The following CCDC3 variants were observed in gnomAD, a reference collection of about 807,000 sequenced individuals.
CCDC3 encodes coiled-coil domain-containing protein 3.
In CCDC3, 24 loss-of-function variants were observed where a neutral mutation model predicts 21.4. The ratio of observed to expected loss-of-function variants is 1.12; its 90% CI spans 0.81 to 1.58. The LOEUF is 1.58. Among genes scored for constraint, CCDC3 ranks in the 40% most tolerant of loss-of-function variants. The probability of loss-of-function intolerance (pLI) is 0.00; values close to 1 mark genes in which losing one functional copy is unlikely to be tolerated. For synonymous variants in CCDC3, 186 were observed against 166.0 expected, an observed-to-expected ratio of 1.12 and a Z score of -0.93; for missense variants, 425 against 360.9, an observed-to-expected ratio of 1.18 and a Z score of -1.44.
intron 2 of CCDC3, among the ~76,000 whole-genome samples, chr10:12,936,357 G>T (rs914426851): frequency 1.3e-4 from 20 of 151,844 alleles, no homozygotes; most frequent in Non-Finnish European, 1.5e-5. Flanking sequence ...TTTCTTTCAA[G>T]AATTTTTTTT....
upstream of CCDC3, among the ~76,000 whole-genome samples, chr10:13,002,170 G>A (rs1368220412): frequency 6.6e-6 from 1 of 152,146 alleles, no homozygotes; most frequent in Admixed American, 6.5e-5. Flanking sequence ...ATTTAATGAA[G>A]ATCTTAGAAA....
At chr10:13,080,811 T>A (rs1837030003) in intron 3 of CCDC3, among the ~76,000 whole-genome samples, 1 of 152,242 alleles carries the variant, frequency 6.6e-6, no homozygotes, top group Non-Finnish European at 1.5e-5. Flanking sequence ...CAGGCAGTTG[T>A]TAGACAGCAC....
At position 13,001,250 on chromosome 10, in the gene CCDC3, G is replaced by C. The variant is rs918676799; in HGVS notation, c.321C>G (p.Phe107Leu). Residue 107 changes from phenylalanine to leucine, a missense_variant, in exon 1 of 3, where the codon TTC (phenylalanine) becomes TTG (leucine). Phe to Leu is a conservative substitution (Grantham distance 22, BLOSUM62 0). Coordinates refer to ENST00000378825, the MANE Select transcript of CCDC3 (RefSeq NM_031455.4). ...GGACCACGGTGTGGGAGTGGCACGA[G>C]AAGTAGCCCAGGCCGGTGAGGTTGA... is the stretch of plus-strand genomic sequence containing the variant. ...SRLNLTGLGY[F>L]SCHSHTVVQD... The C allele has an allele frequency of 8.8e-6, 14 of 1,590,806 alleles. No homozygotes were observed. Among genetic ancestry groups the C allele is most frequent in the Non-Finnish European group, 1.2e-5 (14 of 1,169,706 alleles).
In CCDC3 at chr10:12,972,811, TG is replaced by T. The variant is rs57121607; in HGVS notation, c.549+25526del. Among the ~76,000 whole-genome samples the T allele has an allele frequency of 2.7e-3, 391 of 143,816 alleles. 2 individuals carry two copies. The highest frequency in any genetic ancestry group is 9.6e-3 in the African/African-American group (373 of 38,672). The allele number at this position is 143,816 out of a possible 152,430, so 94.3% of individuals were successfully genotyped here. ...CAGCCTGGGTAAAAGAATGAGACTC[TG>T]TCTCAAAAATAAATAAAATAAAATA... On this transcript the variant is annotated intron_variant, in intron 2 of 2. Transcript: ENST00000378825.
intron 2 of CCDC3, among the ~76,000 whole-genome samples, chr10:12,905,172 G>GGAA (rs1834151277): frequency 6.6e-6 from 1 of 152,150 alleles, no homozygotes; most frequent in Admixed American, 6.5e-5. Context: ...AAAATGAGAA[G>GGAA]GAAGAAAAAA....
At chr10:12,901,695 G>A in intron 2 of CCDC3, among the ~76,000 whole-genome samples, 1 of 152,254 alleles carries the variant, frequency 6.6e-6, no homozygotes, top group Non-Finnish European at 1.5e-5. Context: ...CCATGCCCTC[G>A]TGCACAGTAA....
intron 2 of CCDC3, among the ~76,000 whole-genome samples, chr10:12,983,343 C>T (rs11258103): frequency 0.087 from 13,051 of 149,890 alleles, 657 homozygotes; most frequent in East Asian, 0.15. Flanking sequence ...GAAGCTGAGG[C>T]GGGCAGATCA....
intron 2 of CCDC3, among the ~76,000 whole-genome samples, chr10:12,952,037 A>G (rs1255506927): frequency 6.6e-6 from 1 of 152,174 alleles, no homozygotes; most frequent in Admixed American, 6.5e-5. Flanking sequence ...CTTTGGACAG[A>G]TAAGGAAATA....
chr10:12,991,466 A>G (rs1835681996), intron 2 of CCDC3, among the ~76,000 whole-genome samples: 1 of 152,048 alleles, frequency 6.6e-6, no homozygotes, highest in South Asian at 2.1e-4. Context: ...GATTACAAGC[A>G]TGTGCCACCA....
At chr10:13,017,323 C>T (rs1169823232) in intron 5 of CCDC3, among the ~76,000 whole-genome samples, 1 of 151,734 alleles carries the variant, frequency 6.6e-6, no homozygotes, top group Non-Finnish European at 1.5e-5. Flanking sequence ...TTGCAACTAG[C>T]CTGGCCAACA....
intron 2 of CCDC3, among the ~76,000 whole-genome samples, chr10:12,940,896 G>A (rs188888908): frequency 3.6e-4 from 55 of 152,320 alleles, no homozygotes; most frequent in African/African-American, 1.3e-3. Context: ...GACAGGAAAG[G>A]GAGGCACTGA....
chr10:12,937,324 T>C (rs1384531745), intron 2 of CCDC3, among the ~76,000 whole-genome samples: 1 of 152,176 alleles, frequency 6.6e-6, no homozygotes, highest in Non-Finnish European at 1.5e-5. Context: ...ACCTATTTAT[T>C]TTCACTCATT....
chr10:13,060,754 C>T (rs1040456285), intron 4 of CCDC3, among the ~76,000 whole-genome samples: 2 of 152,304 alleles, frequency 1.3e-5, no homozygotes, highest in Admixed American at 1.3e-4. Context: ...AGTCCTCCCT[C>T]TTCGGCCTCC....
At chr10:13,091,540 T>C (rs1054433748) in intron 3 of CCDC3, among the ~76,000 whole-genome samples, 1 of 152,204 alleles carries the variant, frequency 6.6e-6, no homozygotes, top group Non-Finnish European at 1.5e-5. Context: ...ACTCTGTTTA[T>C]GGTATTTTGT....
chr10:12,917,488 G>A (rs2482076), intron 2 of CCDC3, among the ~76,000 whole-genome samples: 4 of 152,038 alleles, frequency 2.6e-5, no homozygotes, highest in South Asian at 2.1e-4. Context: ...GAGCCACTGC[G>A]CCCGGCCAGA....
chr10:12,949,607 C>G (rs1403901750), intron 2 of CCDC3, among the ~76,000 whole-genome samples: 1 of 152,234 alleles, frequency 6.6e-6, no homozygotes, highest in Non-Finnish European at 1.5e-5. Flanking sequence ...AGAATACACA[C>G]TACTTTCCCC....
intron 2 of CCDC3, among the ~76,000 whole-genome samples, chr10:12,960,719 T>C (rs1835167932): frequency 6.6e-6 from 1 of 152,162 alleles, no homozygotes; most frequent in Non-Finnish European, 1.5e-5. Context: ...GACCCTCCCT[T>C]AGAGCCAAAG....
intron 2 of CCDC3, among the ~76,000 whole-genome samples, chr10:12,943,487 T>C (rs1263008211): frequency 6.6e-6 from 1 of 152,196 alleles, no homozygotes; most frequent in Non-Finnish European, 1.5e-5. Context: ...CATAGGCAAA[T>C]GCCAGCAGCT....
At chr10:13,039,286 G>A (rs1201896601) in intron 5 of CCDC3, among the ~76,000 whole-genome samples, 2 of 152,082 alleles carry the variant, frequency 1.3e-5, no homozygotes, top group East Asian at 3.9e-4. Context: ...AGCTGGGTGT[G>A]GTGGAGCACA....
Sources: allele counts gnomAD v4.1 joint callset (sites outside exome capture counted in the v4.1 genomes callset), GRCh38; gene constraint gnomAD v4.1.1; transcripts MANE v1.5; gene names NCBI Gene and HGNC (gene_info 2026-07-23, HGNC 2026-07-21).